Variants in EVL observed in about 807,000 individuals in gnomAD.
EVL encodes the protein ena/VASP-like protein.
A neutral mutation model predicts 59.6 loss-of-function variants in EVL; 21 were observed. The ratio of observed to expected loss-of-function variants is 0.35; its 90% CI spans 0.25 to 0.51. The LOEUF (loss-of-function observed/expected upper bound fraction) is 0.51, where lower values mean the gene tolerates loss of function less well. Ranked by LOEUF, EVL falls within the 20% of genes least tolerant of loss-of-function variation. The pLI, the probability that EVL is intolerant of heterozygous loss-of-function variation, is 0.97. For synonymous variants in EVL, 198 were observed against 203.5 expected, an observed-to-expected ratio of 0.97 and a Z score of 0.23; for missense variants, 462 against 546.6, an observed-to-expected ratio of 0.85 and a Z score of 1.54.
chr14:100,114,850 C>G lies in EVL; in HGVS notation c.359-8689C>G, dbSNP rs541717774. ...GCGAGTATCTGCCACTGACCAATTA[C>G]AGGGTTTGCAATGACATCCTTGCGG... On this transcript the variant is annotated intron_variant, in intron 3 of 13. Coordinates refer to ENST00000392920, the MANE Select transcript of EVL (RefSeq NM_016337.3). This position sits in a 1 kb window ranked among gnomAD's most constrained non-coding sequence, Gnocchi z 5.0. 1.3e-5 allele frequency among the ~76,000 whole-genome samples: 2 copies of G among 152,078 alleles called. No homozygotes were observed. The highest frequency in any genetic ancestry group is 2.9e-5 in the Non-Finnish European group (2 of 68,006).
intron 1 of EVL, among the ~76,000 whole-genome samples, chr14:99,998,607 TAAAG>T (rs1164569913): frequency 1.3e-5 from 2 of 152,160 alleles, no homozygotes; most frequent in Non-Finnish European, 2.9e-5. Flanking sequence ...AGTACAAAAA[TAAAG>T]AATAAATCAT....
intron 1 of EVL, among the ~76,000 whole-genome samples, chr14:99,974,055 G>A (rs762089208): frequency 1.3e-5 from 2 of 152,016 alleles, no homozygotes; most frequent in African/African-American, 2.4e-5. Context: ...AGTGTTTGTC[G>A]AAAAACATCA....
chr14:100,033,440 C>CAT (rs1238123680), intron 1 of EVL, among the ~76,000 whole-genome samples: 1 of 152,200 alleles, frequency 6.6e-6, no homozygotes, highest in Admixed American at 6.5e-5. Context: ...GAGGTTAAAT[C>CAT]ACCTCCTCAA....
At chr14:100,092,976 C>T (rs1415064168) in intron 2 of EVL, among the ~76,000 whole-genome samples, 2 of 152,210 alleles carry the variant, frequency 1.3e-5, no homozygotes, top group Non-Finnish European at 2.9e-5. Flanking sequence ...GAAGCAGCCT[C>T]ACCCAAAAGT....
chr14:100,069,521 A>G (rs2062005459), intron 1 of EVL, among the ~76,000 whole-genome samples: 1 of 152,204 alleles, frequency 6.6e-6, no homozygotes, highest in African/African-American at 2.4e-5. Flanking sequence ...AGAGAGTCCC[A>G]GAGGCAATTG....
At chr14:100,091,048 A>G (rs1000001169) in intron 2 of EVL, among the ~76,000 whole-genome samples, 5 of 152,180 alleles carry the variant, frequency 3.3e-5, no homozygotes, top group African/African-American at 4.8e-5. Flanking sequence ...TGGATAGAAG[A>G]TTGTGATATT....
chr14:100,064,198 G>T (rs1243708173), upstream of EVL, among the ~76,000 whole-genome samples: 2 of 137,450 alleles, frequency 1.5e-5, no homozygotes, highest in African/African-American at 5.2e-5. Flanking sequence ...ACTGTACTCT[G>T]TACAGCTGTT....
At chr14:100,002,189 G>C (rs369567287) in intron 1 of EVL, among the ~76,000 whole-genome samples, 2 of 152,214 alleles carry the variant, frequency 1.3e-5, no homozygotes, top group South Asian at 2.1e-4. Flanking sequence ...TGATATCCAT[G>C]AACATTTCGC....
At chr14:100,011,623 G>T (rs1009277479) in intron 1 of EVL, among the ~76,000 whole-genome samples, 3 of 151,918 alleles carry the variant, frequency 2.0e-5, no homozygotes, top group African/African-American at 7.2e-5. Context: ...AAGCATCTTG[G>T]ATGGCTTAGA....
At chr14:100,047,959 A>G (rs1233191659) in intron 1 of EVL, among the ~76,000 whole-genome samples, 1 of 152,246 alleles carries the variant, frequency 6.6e-6, no homozygotes, top group African/African-American at 2.4e-5. Context: ...CACATGTTAT[A>G]CAAAAGTTAC....
In EVL at chr14:100,128,533, C is replaced by T; in HGVS notation, c.502C>T (p.Pro168Ser). ...TTGTGTTTCAGGGCCCATCCTCCCACCAGGACATCCTTCATCTGCAGCCAG... is the reference window on the plus strand; with the variant it reads ...TTGTGTTTCAGGGCCCATCCTCCCATCAGGACATCCTTCATCTGCAGCCAG... ...RTSATGPILP[P>S]GHPSSAASAP... The change falls in exon 6 of 14, where the codon CCA becomes TCA. Residue 168 changes from proline (P) to serine (S), a missense_variant. By Grantham distance (74) the Pro-to-Ser change is moderately conservative. Coordinates refer to ENST00000392920, the MANE Select transcript of EVL (RefSeq NM_016337.3). 1 of 1,611,692 alleles carries T rather than the reference C, an allele frequency of 6.2e-7. No individual in the cohort carries two copies. The highest frequency in any genetic ancestry group is 8.5e-7 in the Non-Finnish European group (1 of 1,179,846).
intron 1 of EVL, among the ~76,000 whole-genome samples, chr14:99,997,750 AC>A (rs1243867054): frequency 1.3e-5 from 2 of 152,146 alleles, no homozygotes; most frequent in African/African-American, 4.8e-5. Flanking sequence ...GTAACTTCAA[AC>A]TCTGTTCCCT....
At chr14:100,106,015 T>C (rs1886545596) in intron 3 of EVL, 3 of 152,262 alleles carry the variant, frequency 2.0e-5, no homozygotes, top group Admixed American at 2.0e-4. Context: ...CGTTTTGTCT[T>C]CTTTGTAGGT....
intron 1 of EVL, among the ~76,000 whole-genome samples, chr14:100,059,371 C>A (rs1427026224): frequency 6.6e-6 from 1 of 152,132 alleles, no homozygotes; most frequent in African/African-American, 2.4e-5. Context: ...GCTCAGTGGG[C>A]AGAAATTAGA....
At chr14:100,141,378 C>A in intron 12 of EVL, 132 bp downstream of exon 12, 1 of 924,668 alleles carries the variant, frequency 1.1e-6, no homozygotes, top group Non-Finnish European at 1.6e-6. Flanking sequence ...CAGGGAGCAG[C>A]CACGGCAGAA....
intron 1 of EVL, among the ~76,000 whole-genome samples, chr14:99,987,543 G>A (rs2060847284): frequency 6.6e-6 from 1 of 152,226 alleles, no homozygotes; most frequent in Non-Finnish European, 1.5e-5. Flanking sequence ...TTGGGAGACT[G>A]AGGAAGGAGA....
At chr14:100,069,501 C>T (rs1176917017) in intron 1 of EVL, among the ~76,000 whole-genome samples, 1 of 152,168 alleles carries the variant, frequency 6.6e-6, no homozygotes, top group Non-Finnish European at 1.5e-5. Flanking sequence ...CCAGTCCTCA[C>T]GGGCAAGTCA....
intron 6 of EVL, among the ~76,000 whole-genome samples, chr14:100,128,988 C>A (rs913599371): frequency 6.6e-6 from 1 of 152,174 alleles, no homozygotes; most frequent in Non-Finnish European, 1.5e-5. Context: ...ACTATGTCCC[C>A]CTTTAGAGAT....
chr14:100,117,823 T>C lies in EVL; in HGVS notation c.359-5716T>C, dbSNP rs188919070. Among the ~76,000 whole-genome samples the C allele has an allele frequency of 3.8e-4, 58 of 152,342 alleles. 2 individuals are homozygous for C. The highest frequency in any genetic ancestry group is 1.4e-3 in the African/African-American group (58 of 41,586). ...TAGCTCGTGAGGCCCAGTCCTCAGC[T>C]CAGCCACTGTTTCCTGCTCTGGGAG... is the stretch of plus-strand genomic sequence containing the variant. On this transcript the variant is annotated intron_variant, in intron 3 of 13. Transcript: ENST00000392920.
Sources: gnomAD v4.1 joint callset for allele counts (sites outside exome capture counted in the v4.1 genomes callset) on GRCh38, gnomAD v4.1.1 for gene constraint, Gnocchi (gnomAD v3.1) non-coding constraint, MANE v1.5 for transcripts, NCBI Gene and HGNC (gene_info 2026-07-23, HGNC 2026-07-21) for gene names.